Variants in SSUH2 observed in about 807,000 individuals in gnomAD.
The protein encoded by SSUH2 is protein SSUH2 homolog.
In SSUH2, 47 loss-of-function variants were observed where a neutral mutation model predicts 55.3. The ratio of observed to expected loss-of-function variants is 0.85; its 90% CI spans 0.67 to 1.08. The LOEUF is 1.08. Ranked by LOEUF, SSUH2 falls within the 50% of genes least tolerant of loss-of-function variation. SSUH2 has a pLI of 0.00. For missense variants in SSUH2, 535 were observed against 490.7 expected, an observed-to-expected ratio of 1.09 and a Z score of -0.85; for synonymous variants, 212 against 191.5, an observed-to-expected ratio of 1.11 and a Z score of -0.89.
At chr3:8,629,754 T>C (rs1698391611) in intron 6 of SSUH2, 28 bp from the exon 7 acceptor site, 1 of 1,611,376 alleles carries the variant, frequency 6.2e-7, no homozygotes, top group Non-Finnish European at 8.5e-7. Context: ...TCTTGGGATC[T>C]AGTTTCCCAA....
intron 6 of SSUH2, chr3:8,659,834 G>A (rs1474607007): frequency 8.8e-6 from 4 of 455,296 alleles, no homozygotes; most frequent in African/African-American, 2.0e-5. Context: ...TAGAGAAGGA[G>A]GCAATTAGAA....
chr3:8,650,785 G>A (rs1297651474), intron 7 of SSUH2, among the ~76,000 whole-genome samples: 3 of 152,174 alleles, frequency 2.0e-5, no homozygotes, highest in African/African-American at 7.2e-5. Flanking sequence ...TGCTCCATCC[G>A]TGGCCTTGAC....
intron 11 of SSUH2, 55 bp downstream of exon 11, chr3:8,623,494 C>T (rs1452170378): frequency 1.9e-5 from 20 of 1,076,318 alleles, no homozygotes; most frequent in Admixed American, 4.0e-5. Context: ...GGAAAGAGGG[C>T]TCAGCAGCCC....
chr3:8,673,367 G>A (rs912990251), intron 3 of SSUH2, among the ~76,000 whole-genome samples: 1 of 151,828 alleles, frequency 6.6e-6, no homozygotes, highest in African/African-American at 2.4e-5. Flanking sequence ...CCCCTCCCTC[G>A]GCTGCTCGTT....
chr3:8,623,548 C>T lies in SSUH2; in HGVS notation c.981+1G>A, dbSNP rs1696887989. 1 of 1,543,730 alleles carries T rather than the reference C, an allele frequency of 6.5e-7. No individual in the cohort carries two copies. The highest frequency in any genetic ancestry group is 2.0e-5 in the Admixed American group (1 of 50,970). On this transcript the variant is annotated splice_donor_variant, in intron 11 of 11. Coordinates refer to ENST00000544814, the MANE Select transcript of SSUH2 (RefSeq NM_001256748.3). LOFTEE classifies it high-confidence loss of function. ...CAGATGGCCCCTCCGCCCTGGCTCA[C>T]CTGCTGCAGGACGCGGGCACGGGAG...
intron 3 of SSUH2, among the ~76,000 whole-genome samples, chr3:8,634,842 G>A (rs974275379): frequency 1.3e-5 from 2 of 152,184 alleles, no homozygotes; most frequent in African/African-American, 4.8e-5. Context: ...AAAACAAGGT[G>A]GATATGGGCC....
chr3:8,681,276 G>A (rs1474062439), intron 1 of SSUH2, among the ~76,000 whole-genome samples: 1 of 144,878 alleles, frequency 6.9e-6, no homozygotes, highest in Non-Finnish European at 1.5e-5. Flanking sequence ...GGGACTGACA[G>A]CCAGCCCCTC....
rs1297267299 is a variant in SSUH2, at chr3:8,668,947, T to TG, written c.-455+2050dup. On this transcript the variant is annotated intron_variant, in intron 5 of 18. Transcript: ENST00000317371. Reference sequence around the variant, plus strand: ...TGTGCATACAGAGAGAGAAAGAGAGTGGGAGGGAGGGAGGGAAGGAAAGGG... The same window carrying TG: ...TGTGCATACAGAGAGAGAAAGAGAGTGGGGAGGGAGGGAGGGAAGGAAAGGG... Among the ~76,000 whole-genome samples the TG allele has an allele frequency of 3.8e-5, 3 of 78,388 alleles. No individual in the cohort carries two copies. The East Asian group carries it at 1.1e-3, about 29-fold the overall frequency. The allele number at this position is 78,388 out of a possible 152,430, so 51.4% of individuals were successfully genotyped here.
Position 8,633,718 on chromosome 3 carries a change from G to A in SSUH2, c.287C>T (p.Thr96Met), listed in dbSNP as rs747080476. 2.0e-5 allele frequency: 31 copies of A among 1,564,402 alleles called. No individual in the cohort carries two copies. The highest frequency in any genetic ancestry group is 1.8e-4 in the Middle Eastern group (1 of 5,552). Residue 96 changes from threonine to methionine, a missense_variant, in exon 4 of 12, where the codon ACG becomes ATG. Coordinates refer to ENST00000544814, the MANE Select transcript of SSUH2 (RefSeq NM_001256748.3). ...FVDSKCCYSS[T>M]VAGDLVIQEL... ...CTGGATGACGAGGTCTCCAGCCACC[G>A]TGCTGCTGTAGCAGCACTTAGAGTC...
intron 5 of SSUH2, among the ~76,000 whole-genome samples, chr3:8,670,651 A>G (rs1264037212): frequency 6.6e-6 from 1 of 152,092 alleles, no homozygotes; most frequent in Non-Finnish European, 1.5e-5. Flanking sequence ...CCCCGAGGAT[A>G]TAATGAATCA....
intron 1 of SSUH2, among the ~76,000 whole-genome samples, chr3:8,637,133 C>T (rs1045091364): frequency 1.3e-5 from 2 of 152,170 alleles, no homozygotes; most frequent in African/African-American, 2.4e-5. Context: ...TCTCGTGACG[C>T]CAGGCAGCGG....
At chr3:8,669,394 A>C (rs1016309153) in intron 5 of SSUH2, among the ~76,000 whole-genome samples, 15 of 152,272 alleles carry the variant, frequency 9.9e-5, no homozygotes, top group Admixed American at 2.0e-4. Flanking sequence ...CCAGTTAACA[A>C]ATAGAGACAG....
intron 1 of SSUH2, among the ~76,000 whole-genome samples, chr3:8,641,285 G>C (rs575090803): frequency 1.3e-5 from 2 of 152,184 alleles, no homozygotes; most frequent in African/African-American, 4.8e-5. Flanking sequence ...GTACCCCAAA[G>C]GTAGATCAAT....
intron 2 of SSUH2, among the ~76,000 whole-genome samples, chr3:8,678,592 CAGG>C (rs1705629309): frequency 9.7e-6 from 1 of 103,214 alleles, no homozygotes; most frequent in African/African-American, 3.4e-5. Flanking sequence ...CCCCGCGAGG[CAGG>C]GACTGAGAGC....
intron 11 of SSUH2, among the ~76,000 whole-genome samples, chr3:8,621,543 G>A (rs1442535893): frequency 2.6e-5 from 4 of 152,290 alleles, no homozygotes; most frequent in African/African-American, 9.6e-5. Flanking sequence ...GAAGGAAGAG[G>A]GGAATCAGAG....
At chr3:8,668,702 A>G (rs1704225975) in intron 5 of SSUH2, among the ~76,000 whole-genome samples, 2 of 152,188 alleles carry the variant, frequency 1.3e-5, no homozygotes, top group South Asian at 4.1e-4. Flanking sequence ...AGACAAATCA[A>G]TATTCTGGAA....
chr3:8,635,625 C>T, intron 2 of SSUH2, 134 bp downstream of exon 2: 3 of 895,144 alleles, frequency 3.4e-6, no homozygotes, highest in Non-Finnish European at 4.9e-6. Context: ...TCCACCTGCC[C>T]AAGATGAGGG....
At chr3:8,635,648 C>G (rs1021792477) in intron 2 of SSUH2, 111 bp downstream of exon 2, 3 of 1,048,258 alleles carry the variant, frequency 2.9e-6, no homozygotes, top group East Asian at 2.6e-5. Context: ...TTCCCAGGGC[C>G]CCCCCAGGGA....
At chr3:8,626,668 AGATCTGTCCCAG>A (rs1697635583) in intron 8 of SSUH2, among the ~76,000 whole-genome samples, 1 of 151,952 alleles carries the variant, frequency 6.6e-6, no homozygotes, top group South Asian at 2.1e-4. Flanking sequence ...GAGTGCAATG[AGATCTGTCCCAG>A]GATGTTTGTC....
Sources: gnomAD v4.1 joint callset for allele counts (sites outside exome capture counted in the v4.1 genomes callset) on GRCh38, gnomAD v4.1.1 for gene constraint, MANE v1.5 for transcripts, NCBI Gene and HGNC (gene_info 2026-07-23, HGNC 2026-07-21) for gene names.